Variants in MYO5A observed in about 807,000 individuals in gnomAD.
MYO5A encodes the protein myosin VA, also known as unconventional myosin-Va.
Under a neutral mutation model 249.7 loss-of-function variants are expected in MYO5A, and 98 were observed. The ratio of observed to expected loss-of-function variants is 0.39; its 90% CI spans 0.33 to 0.46. MYO5A has a LOEUF of 0.46. MYO5A is among the 20% of genes least tolerant of loss of function. MYO5A has a pLI of 0.98. For synonymous variants in MYO5A, 778 were observed against 810.6 expected, an observed-to-expected ratio of 0.96 and a Z score of 0.68; for missense variants, 1,696 against 2,308.8, an observed-to-expected ratio of 0.73 and a Z score of 5.44.
chr15:52,490,125 C>A (rs2076906029), intron 1 of MYO5A, among the ~76,000 whole-genome samples: 1 of 152,170 alleles, frequency 6.6e-6, no homozygotes, highest in African/African-American at 2.4e-5. Flanking sequence ...GAAATTAGAA[C>A]CTCTGCACCC....
rs531049150 is a variant in MYO5A at position 52,429,725 on chromosome 15, C to T, written c.139-1156G>A. 2.2e-4 allele frequency among the ~76,000 whole-genome samples: 33 copies of T among 151,786 alleles called. No individual in the cohort carries two copies. The South Asian group carries it at 5.4e-3, about 25-fold the overall frequency. On this transcript the variant is annotated intron_variant, in intron 2 of 41. Transcript: ENST00000399233. Reference sequence around the variant, plus strand: ...AAAAAACAAAACAAAACAAAACAAACGACATTTTAATAGGGTTCCTGGTCC... The same window carrying T: ...AAAAAACAAAACAAAACAAAACAAATGACATTTTAATAGGGTTCCTGGTCC...
Position 52,491,586 on chromosome 15 carries a change from C to G in MYO5A, c.27+37194G>C, listed in dbSNP as rs2076936751. ...AGCCATGTATTTTTTATTGGATTCT[C>G]TAAAGTAACATGAGTCAGGCTCCAA... On this transcript the variant is annotated intron_variant, in intron 1 of 41. Coordinates refer to ENST00000399233, the MANE Select transcript of MYO5A (RefSeq NM_001382347.1). 2.6e-5 allele frequency among the ~76,000 whole-genome samples: 4 copies of G among 152,170 alleles called. 1 individual carries two copies. The highest frequency in any genetic ancestry group is 1.3e-4 in the Admixed American group (2 of 15,276).
intron 1 of MYO5A, among the ~76,000 whole-genome samples, chr15:52,521,678 T>C (rs2077624790): frequency 6.6e-6 from 1 of 152,232 alleles, no homozygotes; most frequent in African/African-American, 2.4e-5. Context: ...GTTCTACAAT[T>C]GGCAAAAAGC....
At chr15:52,368,633 A>C (rs2040935352) in intron 22 of MYO5A, among the ~76,000 whole-genome samples, 2 of 152,182 alleles carry the variant, frequency 1.3e-5, no homozygotes, top group East Asian at 1.9e-4. Context: ...GGCCAGGCGC[A>C]GTGGCTCACA....
rs2037775054 is a variant in MYO5A, at chr15:52,311,555, A to C, written c.*2141T>G. The C allele has an allele frequency of 6.6e-6, 1 of 150,608 alleles. No individual in the cohort carries two copies. Among genetic ancestry groups the C allele is most frequent in the Non-Finnish European group, 1.5e-5 (1 of 68,034 alleles). The allele number at this position is 150,608 out of a possible 1,614,324, so 9.3% of individuals were successfully genotyped here. ...ACATGATGTAATAAAAATTACTTAAACTAATTATAATACAAATATAGTAGG... is the reference window on the plus strand; with the variant it reads ...ACATGATGTAATAAAAATTACTTAACCTAATTATAATACAAATATAGTAGG... On this transcript the variant is annotated 3_prime_UTR_variant, in exon 42 of 42. Transcript: ENST00000399233.
chr15:52,444,556 G>A (rs144269346), intron 1 of MYO5A, among the ~76,000 whole-genome samples: 5 of 152,222 alleles, frequency 3.3e-5, no homozygotes, highest in East Asian at 3.9e-4. Context: ...AATTCAAACC[G>A]AGAAAGATCT....
intron 1 of MYO5A, among the ~76,000 whole-genome samples, chr15:52,462,778 G>C (rs900409449): frequency 6.6e-6 from 1 of 152,006 alleles, no homozygotes; most frequent in Non-Finnish European, 1.5e-5. Flanking sequence ...AACCCTGGAG[G>C]TGGAGGTTGC....
intron 1 of MYO5A, among the ~76,000 whole-genome samples, chr15:52,482,829 C>G (rs1002766736): frequency 1.1e-4 from 17 of 152,296 alleles, no homozygotes; most frequent in Admixed American, 1.1e-3. Context: ...AATAGTGACT[C>G]TATCCCCTGA....
intron 1 of MYO5A, among the ~76,000 whole-genome samples, chr15:52,485,210 G>C (rs1284690534): frequency 7.1e-6 from 1 of 141,036 alleles, no homozygotes; most frequent in African/African-American, 2.6e-5. Flanking sequence ...CTAAAGATCT[G>C]TAAATGACAG....
intron 1 of MYO5A, among the ~76,000 whole-genome samples, chr15:52,447,820 C>T (rs546513854): frequency 6.6e-6 from 1 of 152,264 alleles, no homozygotes; most frequent in African/African-American, 2.4e-5. Flanking sequence ...GAACTTTGAA[C>T]TTGAGAGAGA....
intron 1 of MYO5A, among the ~76,000 whole-genome samples, chr15:52,524,072 A>C (rs2077680958): frequency 6.6e-6 from 1 of 152,234 alleles, no homozygotes; most frequent in Admixed American, 6.5e-5. Context: ...ACACATATAC[A>C]ATCTACTGAC....
chr15:52,334,753 A>G (rs2039038804), intron 34 of MYO5A, among the ~76,000 whole-genome samples: 1 of 152,276 alleles, frequency 6.6e-6, no homozygotes, highest in Non-Finnish European at 1.5e-5. Flanking sequence ...GATGTTTTCT[A>G]TGCTCAGGAA....
rs1189249435 is a variant in MYO5A at position 52,321,378 on chromosome 15, G to A, written c.4932C>T (p.Asn1644=). ...CCTTACCAATCATTGGCTGAAGGAT[G>A]TTCTCTAACACCCGCACGAGCTGCT... ...IYQQLVRVLE[N]ILQPMIVSGM... The change falls in exon 38 of 42, where the codon AAC becomes AAT. Residue 1644 remains asparagine, a synonymous_variant. Coordinates refer to ENST00000399233, the MANE Select transcript of MYO5A (RefSeq NM_001382347.1). 13 of 1,614,186 alleles carry A rather than the reference G, an allele frequency of 8.1e-6. No individual in the cohort carries two copies. Among genetic ancestry groups the A allele is most frequent in the Non-Finnish European group, 1.1e-5 (13 of 1,180,032 alleles).
chr15:52,337,255 G>A (rs2039161739), intron 33 of MYO5A, among the ~76,000 whole-genome samples: 2 of 152,122 alleles, frequency 1.3e-5, no homozygotes, highest in African/African-American at 4.8e-5. Flanking sequence ...TACACTTAAG[G>A]AGGAAGGTAA....
chr15:52,331,003 C>T (rs1187152543), intron 34 of MYO5A, among the ~76,000 whole-genome samples: 3 of 152,156 alleles, frequency 2.0e-5, no homozygotes, highest in African/African-American at 7.2e-5. Flanking sequence ...TGTATCATTA[C>T]AATCAATTCA....
chr15:52,464,773 A>G (rs1303216435), intron 1 of MYO5A, among the ~76,000 whole-genome samples: 1 of 152,236 alleles, frequency 6.6e-6, no homozygotes, highest in Non-Finnish European at 1.5e-5. Flanking sequence ...TAAGCAGAGT[A>G]ATGAATGACC....
Position 52,311,300 on chromosome 15 carries a change from G to A in MYO5A, c.*2396C>T, listed in dbSNP as rs868107162. On this transcript the variant is annotated 3_prime_UTR_variant, in exon 42 of 42. Transcript: ENST00000399233. ...GGTCTGGGAGATTTCCAGGGCTGAG[G>A]CGGACAGCCTGTACCACGTTGCATT... 2 of 152,240 alleles carry A rather than the reference G, an allele frequency of 1.3e-5. No individual in the cohort carries two copies. The highest frequency in any genetic ancestry group is 4.8e-5 in the African/African-American group (2 of 41,430). The allele number at this position is 152,240 out of a possible 1,614,324, so 9.4% of individuals were successfully genotyped here. A position where few individuals can be genotyped will look rare whatever the true frequency, so the allele number is the denominator to read the frequency against.
chr15:52,326,007 T>C (rs1245407929), intron 36 of MYO5A, among the ~76,000 whole-genome samples: 1 of 152,216 alleles, frequency 6.6e-6, no homozygotes, highest in East Asian at 1.9e-4. Flanking sequence ...TTTTGATTTA[T>C]TAGAAATGAT....
intron 1 of MYO5A, among the ~76,000 whole-genome samples, chr15:52,526,067 A>G (rs1434582111): frequency 6.6e-6 from 1 of 152,268 alleles, no homozygotes; most frequent in Non-Finnish European, 1.5e-5. Flanking sequence ...GCCAACAAAT[A>G]ACCAAGTAAC....
Sources: gnomAD v4.1 joint callset for allele counts (sites outside exome capture counted in the v4.1 genomes callset) on GRCh38, gnomAD v4.1.1 for gene constraint, MANE v1.5 for transcripts, NCBI Gene and HGNC (gene_info 2026-07-23, HGNC 2026-07-21) for gene names.